The following ASAP2 variants were observed in gnomAD, a reference collection of about 807,000 sequenced individuals.
ASAP2 encodes ArfGAP with SH3 domain, ankyrin repeat and PH domain 2.
Under a neutral mutation model 131.4 loss-of-function variants are expected in ASAP2, and 45 were observed. The ratio of observed to expected loss-of-function variants is 0.34; its 90% CI spans 0.27 to 0.44. The LOEUF (loss-of-function observed/expected upper bound fraction) is 0.44. ASAP2 is among the 20% of genes least tolerant of loss of function. ASAP2 has a pLI of 1.00. For missense variants in ASAP2, 1,011 were observed against 1,297.0 expected (o/e 0.78, Z 3.39); for synonymous variants, 510 against 503.0 (o/e 1.01, Z -0.19).
At chr2:9,250,895 G>A (rs954525128) in intron 1 of ASAP2, among the ~76,000 whole-genome samples, 5 of 152,334 alleles carry the variant, frequency 3.3e-5, no homozygotes, top group Non-Finnish European at 7.3e-5. Flanking sequence ...GACAAGACTC[G>A]GGGCTTGCTC....
intron 3 of ASAP2, among the ~76,000 whole-genome samples, chr2:9,310,753 G>C (rs989592599): frequency 6.6e-6 from 1 of 152,082 alleles, no homozygotes; most frequent in African/African-American, 2.4e-5. Flanking sequence ...CTACAGGCAA[G>C]GAATTTTAAG....
intron 1 of ASAP2, among the ~76,000 whole-genome samples, chr2:9,274,657 C>T (rs1666633326): frequency 6.6e-6 from 1 of 152,158 alleles, no homozygotes; most frequent in African/African-American, 2.4e-5. Flanking sequence ...TCTAGCTTCT[C>T]GTCCTGACCA....
intron 1 of ASAP2, among the ~76,000 whole-genome samples, chr2:9,267,194 C>A (rs866286526): frequency 5.9e-5 from 9 of 152,012 alleles, no homozygotes; most frequent in Non-Finnish European, 8.8e-5. Flanking sequence ...AGGTTTGCTA[C>A]GTGGGATATA....
intron 12 of ASAP2, among the ~76,000 whole-genome samples, chr2:9,351,513 G>A (rs899372254): frequency 2.0e-5 from 3 of 152,018 alleles, no homozygotes; most frequent in African/African-American, 7.3e-5. Flanking sequence ...TTTTTCCTAG[G>A]TAGTTCTGTG....
intron 1 of ASAP2, among the ~76,000 whole-genome samples, chr2:9,208,405 T>C (rs1414769072): frequency 6.6e-6 from 1 of 150,724 alleles, no homozygotes; most frequent in African/African-American, 2.5e-5. Flanking sequence ...TTATTTTTTT[T>C]TTCTGGTTTT....
chr2:9,263,809 G>A (rs953174789), intron 1 of ASAP2, among the ~76,000 whole-genome samples: 2 of 152,186 alleles, frequency 1.3e-5, no homozygotes, highest in Non-Finnish European at 2.9e-5. Context: ...GTTGACGGCC[G>A]TCTGGAGGTC....
chr2:9,385,631 G>C (rs1234364179), intron 21 of ASAP2, among the ~76,000 whole-genome samples: 1 of 152,176 alleles, frequency 6.6e-6, no homozygotes, highest in African/African-American at 2.4e-5. Flanking sequence ...TGGCGGGGGG[G>C]TTGATTCCAG....
In ASAP2 at chr2:9,217,434, AT is replaced by A. The variant is rs1467721600; in HGVS notation, c.126+10209del. On this transcript the variant is annotated intron_variant, in intron 1 of 27. Transcript: ENST00000281419. The surrounding 1 kb of genome is among the most constrained non-coding windows in gnomAD (Gnocchi z 4.0). ...TGCTAACAGTGTTAATAACGATGTC[AT>A]TTTTCCACTCCATGCTGAAGATGGC... is the stretch of plus-strand genomic sequence containing the variant. 6.6e-6 allele frequency among the ~76,000 whole-genome samples: 1 copy of A among 152,106 alleles called. No homozygotes were observed. Among genetic ancestry groups the A allele is most frequent in the Admixed American group, 6.5e-5 (1 of 15,278 alleles).
At chr2:9,275,794 A>G (rs1013030648) in intron 1 of ASAP2, among the ~76,000 whole-genome samples, 4 of 152,170 alleles carry the variant, frequency 2.6e-5, no homozygotes, top group African/African-American at 7.2e-5. Context: ...TGGGGATACA[A>G]TGAACAAATA....
chr2:9,251,084 T>C (rs759821640), intron 1 of ASAP2, among the ~76,000 whole-genome samples: 5 of 152,134 alleles, frequency 3.3e-5, no homozygotes, highest in Non-Finnish European at 5.9e-5. Context: ...CACACTGAGG[T>C]GTGGAAACCC....
chr2:9,317,658 AC>A (rs1669861198), intron 3 of ASAP2, among the ~76,000 whole-genome samples: 1 of 150,400 alleles, frequency 6.6e-6, no homozygotes. Context: ...ACACACTTAC[AC>A]AATCACTCAC....
At chr2:9,269,784 C>T (rs1181619417) in intron 1 of ASAP2, among the ~76,000 whole-genome samples, 3 of 152,188 alleles carry the variant, frequency 2.0e-5, no homozygotes, top group African/African-American at 7.2e-5. Context: ...TAGAAACATT[C>T]CTCTGTGGCT....
chr2:9,350,067 T>A (rs1672232800), intron 11 of ASAP2, among the ~76,000 whole-genome samples: 1 of 152,216 alleles, frequency 6.6e-6, no homozygotes, highest in African/African-American at 2.4e-5. Context: ...AAATTTTTGT[T>A]TCTGAAATTA....
chr2:9,363,059 C>T (rs1191045643), intron 15 of ASAP2, among the ~76,000 whole-genome samples: 1 of 152,146 alleles, frequency 6.6e-6, no homozygotes, highest in Non-Finnish European at 1.5e-5. Context: ...ATTTGTCTTT[C>T]TTTGCCTGGC....
At chr2:9,317,230 CACA>C (rs973320033) in intron 3 of ASAP2, among the ~76,000 whole-genome samples, 23 of 149,978 alleles carry the variant, frequency 1.5e-4, no homozygotes, top group Admixed American at 7.9e-4. Context: ...CACACAATCA[CACA>C]ACCACACTCA....
Position 9,403,526 on chromosome 2 carries a change from G to T in ASAP2, c.*199G>T. On this transcript the variant is annotated 3_prime_UTR_variant, in exon 28 of 28. Coordinates refer to ENST00000281419, the MANE Select transcript of ASAP2 (RefSeq NM_003887.3). ...TAATTTGTGGTTTTCATGAAACATT[G>T]CTATGCATTTATTAGGAAAAACTGA... 1 of 538,428 alleles carries T rather than the reference G, an allele frequency of 1.9e-6. No homozygotes were observed. The highest frequency in any genetic ancestry group is 2.8e-5 in the South Asian group (1 of 36,234). The allele number at this position is 538,428 out of a possible 1,614,324, so 33.4% of individuals were successfully genotyped here.
intron 7 of ASAP2, among the ~76,000 whole-genome samples, chr2:9,328,284 C>T (rs982002088): frequency 6.6e-6 from 1 of 152,110 alleles, no homozygotes; most frequent in Non-Finnish European, 1.5e-5. Flanking sequence ...AATGATTGCA[C>T]AACTTTGTGA....
At chr2:9,254,461 TC>T (rs1323555078) in intron 1 of ASAP2, among the ~76,000 whole-genome samples, 28 of 144,344 alleles carry the variant, frequency 1.9e-4, no homozygotes, top group Non-Finnish European at 4.1e-4. Flanking sequence ...CAAGCAATTC[TC>T]CTGCCTCAGC....
intron 1 of ASAP2, among the ~76,000 whole-genome samples, chr2:9,254,353 CTTT>C (rs777033631): frequency 9.6e-6 from 1 of 103,960 alleles, no homozygotes; most frequent in Non-Finnish European, 1.9e-5. Flanking sequence ...ATAAACTAAA[CTTT>C]TTTTTTTTTT....
Sources: gnomAD v4.1 joint callset for allele counts (sites outside exome capture counted in the v4.1 genomes callset) on GRCh38, gnomAD v4.1.1 for gene constraint, Gnocchi (gnomAD v3.1) non-coding constraint, MANE v1.5 for transcripts, NCBI Gene and HGNC (gene_info 2026-07-23, HGNC 2026-07-21) for gene names.